DIAPH2: variants seen among roughly 807,000 people sequenced by gnomAD.
DIAPH2 encodes diaphanous related formin 2, also known as protein diaphanous homolog 2.
Under a neutral mutation model 92.7 loss-of-function variants are expected in DIAPH2, and 35 were observed. The ratio of observed to expected loss-of-function variants is 0.38; its 90% confidence interval spans 0.29 to 0.50. The LOEUF (loss-of-function observed/expected upper bound fraction) is 0.50, where lower values mean the gene tolerates loss of function less well. Ranked by LOEUF, DIAPH2 falls within the 20% of genes least tolerant of loss-of-function variation. DIAPH2 has a pLI of 0.94. For missense variants in DIAPH2, 701 were observed against 819.5 expected (o/e 0.86, Z 1.77); for synonymous variants, 301 against 280.4 (o/e 1.07, Z -0.73).
intron 4 of DIAPH2, among the ~76,000 whole-genome samples, chrX:96,859,744 C>G (rs755021678): frequency 2.7e-5 from 3 of 109,463 alleles, no homozygotes; most frequent in African/African-American, 1.0e-4. Flanking sequence ...CAGGTTCATG[C>G]CATTCTCTTG....
chrX:96,997,447 G>A (rs1385325205), intron 17 of DIAPH2, among the ~76,000 whole-genome samples: 1 of 111,169 alleles, frequency 9.0e-6, no homozygotes. Context: ...ATCGTGCTCC[G>A]TGGTAAAAAT....
intron 24 of DIAPH2, among the ~76,000 whole-genome samples, chrX:97,356,909 T>C (rs1022075395): frequency 8.9e-5 from 10 of 111,855 alleles, no homozygotes; most frequent in Non-Finnish European, 1.5e-4. Flanking sequence ...GTTGACAGAA[T>C]TGTTTATGAC....
intron 4 of DIAPH2, among the ~76,000 whole-genome samples, chrX:96,811,337 G>C (rs1407023552): frequency 9.0e-6 from 1 of 111,528 alleles, no homozygotes; most frequent in Non-Finnish European, 1.9e-5. Context: ...TTGGTATATA[G>C]AAATGCTTGT....
chrX:97,018,696 T>C (rs753868435), intron 17 of DIAPH2, among the ~76,000 whole-genome samples: 69 of 112,214 alleles, frequency 6.1e-4, no homozygotes, highest in African/African-American at 2.1e-3. Flanking sequence ...ATCTCCTCCC[T>C]GCTCTCCAGT....
chrX:97,255,954 A>G (rs1056404409), intron 23 of DIAPH2, among the ~76,000 whole-genome samples: 1 of 111,936 alleles, frequency 8.9e-6, no homozygotes, highest in African/African-American at 3.2e-5. Context: ...CATGATGCTA[A>G]TGGTGAGAAG....
At chrX:97,447,675 C>T (rs765910549) in intron 26 of DIAPH2, among the ~76,000 whole-genome samples, 2 of 111,668 alleles carry the variant, frequency 1.8e-5, no homozygotes, top group Non-Finnish European at 3.8e-5. Context: ...AGGGAAAATC[C>T]TCCACAGGCT....
At chrX:96,899,313 T>C (rs1416662443) in intron 5 of DIAPH2, among the ~76,000 whole-genome samples, 1 of 110,121 alleles carries the variant, frequency 9.1e-6, no homozygotes, top group Non-Finnish European at 1.9e-5. Flanking sequence ...TAAATTACCT[T>C]GGGCAGTATG....
intron 24 of DIAPH2, among the ~76,000 whole-genome samples, chrX:97,359,547 T>A (rs1367409729): frequency 9.3e-6 from 1 of 107,704 alleles, no homozygotes; most frequent in African/African-American, 3.4e-5. Flanking sequence ...AACTGCTTTT[T>A]AAAGATCTGA....
chrX:97,587,487 T>G (rs2071486895), intron 26 of DIAPH2, among the ~76,000 whole-genome samples: 1 of 111,897 alleles, frequency 8.9e-6, no homozygotes, highest in Non-Finnish European at 1.9e-5. Context: ...TATGAAAGAT[T>G]TTCATTGCTT....
intron 24 of DIAPH2, among the ~76,000 whole-genome samples, chrX:97,377,808 T>TA (rs1387423187): frequency 2.8e-4 from 31 of 111,215 alleles, no homozygotes; most frequent in Non-Finnish European, 2.1e-4. Flanking sequence ...GTAAGACATT[T>TA]AAAAAAAATC....
intron 15 of DIAPH2, among the ~76,000 whole-genome samples, chrX:96,950,237 G>A (rs1046371812): frequency 9.1e-6 from 1 of 110,292 alleles, no homozygotes; most frequent in Admixed American, 9.7e-5. Context: ...TATTTTTGCT[G>A]TACTGTTCCA....
At chrX:97,270,452 G>C (rs1569346539) in intron 23 of DIAPH2, among the ~76,000 whole-genome samples, 2 of 112,066 alleles carry the variant, frequency 1.8e-5, no homozygotes, top group Non-Finnish European at 3.8e-5. Flanking sequence ...CAGCTACTAA[G>C]TGGCAGACCT....
At chrX:96,903,044 C>T (rs1340418994) in intron 5 of DIAPH2, among the ~76,000 whole-genome samples, 1 of 109,968 alleles carries the variant, frequency 9.1e-6, no homozygotes, top group South Asian at 3.9e-4. Flanking sequence ...TTTGGCACTG[C>T]ACCTGGTAGG....
chrX:96,812,029 C>A (rs1003363537), intron 4 of DIAPH2, among the ~76,000 whole-genome samples: 2 of 111,602 alleles, frequency 1.8e-5, no homozygotes, highest in South Asian at 3.8e-4. Flanking sequence ...ATGATGCTGG[C>A]GTCATAAAAT....
chrX:97,283,453 CAGAG>C (rs908495727), intron 23 of DIAPH2, among the ~76,000 whole-genome samples: 3 of 110,007 alleles, frequency 2.7e-5, no homozygotes, highest in Non-Finnish European at 5.7e-5. Flanking sequence ...TGCAGACTTT[CAGAG>C]AGAGAGAGAG....
intron 16 of DIAPH2, among the ~76,000 whole-genome samples, chrX:96,962,308 T>TAC (rs1490162404): frequency 7.2e-5 from 3 of 41,639 alleles, no homozygotes; most frequent in Non-Finnish European, 1.5e-4. Context: ...TACATATATA[T>TAC]ATACATATAT....
intron 23 of DIAPH2, among the ~76,000 whole-genome samples, chrX:97,285,670 C>T (rs937091990): frequency 1.8e-5 from 2 of 110,355 alleles, no homozygotes; most frequent in African/African-American, 6.6e-5. Context: ...GATCTTGGCT[C>T]ACTGCAACCT....
chrX:97,035,858 A>G (rs1028126294), intron 17 of DIAPH2, among the ~76,000 whole-genome samples: 2 of 110,170 alleles, frequency 1.8e-5, no homozygotes, highest in Non-Finnish European at 3.8e-5. Flanking sequence ...GAAATAAAAA[A>G]ATTAGCTGAG....
chrX:97,457,654 C>T (rs898722047), intron 26 of DIAPH2, among the ~76,000 whole-genome samples: 4 of 111,575 alleles, frequency 3.6e-5, no homozygotes, highest in Admixed American at 1.9e-4. Context: ...CTTCACTATA[C>T]GGGCCTCTCT....
Sources: gnomAD v4.1 joint callset for allele counts (sites outside exome capture counted in the v4.1 genomes callset) on GRCh38, gnomAD v4.1.1 for gene constraint, MANE v1.5 for transcripts, NCBI Gene and HGNC (gene_info 2026-07-23, HGNC 2026-07-21) for gene names.